The following CTPS2 variants were observed in gnomAD, a reference collection of about 807,000 sequenced individuals.
The protein encoded by CTPS2 is CTP synthase 2.
Under a neutral mutation model 46.8 loss-of-function variants are expected in CTPS2, and 19 were observed. The ratio of observed to expected loss-of-function variants is 0.41; its 90% confidence interval spans 0.28 to 0.60. The LOEUF is 0.60. Among genes scored for constraint, CTPS2 ranks in the 20% least tolerant of loss-of-function variants. The pLI is 0.35. For synonymous variants in CTPS2, 151 were observed against 165.2 expected (o/e 0.91, Z 0.66); for missense variants, 286 against 447.6 (o/e 0.64, Z 3.26).
At chrX:16,651,958 G>C (rs1299504316) in intron 13 of CTPS2, among the ~76,000 whole-genome samples, 1 of 109,760 alleles carries the variant, frequency 9.1e-6, no homozygotes, top group Non-Finnish European at 1.9e-5. Flanking sequence ...TTGCCATGGG[G>C]AGAGAGATTG....
chrX:16,695,084 A>G (rs747257220), intron 4 of CTPS2, among the ~76,000 whole-genome samples: 1 of 111,815 alleles, frequency 8.9e-6, no homozygotes, highest in Non-Finnish European at 1.9e-5. Flanking sequence ...AAGTGAGTGT[A>G]AGTACCCACT....
chrX:16,662,174 C>T (rs1189900090), intron 13 of CTPS2, among the ~76,000 whole-genome samples: 1 of 110,674 alleles, frequency 9.0e-6, no homozygotes, highest in Non-Finnish European at 1.9e-5. Flanking sequence ...CAGCTACGCT[C>T]TTGGTTATGT....
chrX:16,680,873 G>A (rs887129301), intron 9 of CTPS2, among the ~76,000 whole-genome samples: 6 of 109,696 alleles, frequency 5.5e-5, no homozygotes, highest in African/African-American at 1.3e-4. Context: ...GCAACATAGC[G>A]AGACCCCGTC....
chrX:16,632,416 T>TTTTC (rs1214405032), intron 14 of CTPS2, among the ~76,000 whole-genome samples: 1 of 109,977 alleles, frequency 9.1e-6, no homozygotes, highest in Non-Finnish European at 1.9e-5. Context: ...GTTACCTTTT[T>TTTTC]TTTCTTTCTT....
intron 9 of CTPS2, among the ~76,000 whole-genome samples, chrX:16,680,921 C>T (rs1483975064): frequency 1.8e-5 from 2 of 111,261 alleles, no homozygotes; most frequent in Non-Finnish European, 3.8e-5. Flanking sequence ...CACGATGGCT[C>T]ACGCTTGTAA....
intron 1 of CTPS2, chrX:16,711,863 TA>T (rs1456389886): frequency 9.0e-6 from 1 of 110,786 alleles, no homozygotes; most frequent in Non-Finnish European, 1.9e-5. Context: ...GGTCGTTGTT[TA>T]AGGGGTGCAC....
At chrX:16,647,252 A>ATTTTTT (rs1932363451) in intron 13 of CTPS2, among the ~76,000 whole-genome samples, 4 of 53,780 alleles carry the variant, frequency 7.4e-5, no homozygotes, top group African/African-American at 2.4e-4. Context: ...CATTGGGCCC[A>ATTTTTT]TTCTTTTTTT....
At chrX:16,679,828 G>A (rs1922589035) in intron 9 of CTPS2, among the ~76,000 whole-genome samples, 1 of 111,512 alleles carries the variant, frequency 9.0e-6, no homozygotes, top group African/African-American at 3.3e-5. Context: ...GCCACATGCT[G>A]GCACCCTAAT....
At chrX:16,619,745 CTA>C (rs1452586617) in intron 15 of CTPS2, among the ~76,000 whole-genome samples, 1 of 111,879 alleles carries the variant, frequency 8.9e-6, no homozygotes, top group African/African-American at 3.3e-5. Context: ...TTCGAGAAAT[CTA>C]TGTTTCTCAT....
At chrX:16,704,568 T>C (rs1924844171) in intron 1 of CTPS2, among the ~76,000 whole-genome samples, 1 of 111,969 alleles carries the variant, frequency 8.9e-6, no homozygotes, top group African/African-American at 3.2e-5. Flanking sequence ...TTCTGTATAA[T>C]ACTGTAATGA....
intron 3 of CTPS2, 133 bp downstream of exon 3, chrX:16,698,790 A>G: frequency 1.9e-6 from 1 of 521,399 alleles, no homozygotes; most frequent in African/African-American, 2.4e-5. Flanking sequence ...ACCTCAGGTG[A>G]TCCACTGGCC....
intron 5 of CTPS2, 40 bp from the exon 6 acceptor site, chrX:16,693,264 G>A: frequency 3.6e-6 from 4 of 1,098,482 alleles, no homozygotes; most frequent in Non-Finnish European, 5.0e-6. Context: ...CTGGACACTA[G>A]CTCCTATGGA....
chrX:16,627,954 C>T (rs1422593485), intron 14 of CTPS2, among the ~76,000 whole-genome samples: 1 of 111,631 alleles, frequency 9.0e-6, no homozygotes, highest in Non-Finnish European at 1.9e-5. Context: ...AAAGAGTCAG[C>T]TCAATGACTT....
At chrX:16,612,039 T>G (rs1930287159) in intron 16 of CTPS2, among the ~76,000 whole-genome samples, 1 of 112,006 alleles carries the variant, frequency 8.9e-6, no homozygotes. Context: ...AATGTAATCA[T>G]GTAATAGCCA....
At chrX:16,645,542 C>T (rs1301473351) in intron 13 of CTPS2, among the ~76,000 whole-genome samples, 1 of 111,962 alleles carries the variant, frequency 8.9e-6, no homozygotes, top group Non-Finnish European at 1.9e-5. Context: ...TTCTGGCTTC[C>T]AACCTGCGCT....
In CTPS2 at chrX:16,590,299, G is replaced by C. The variant is rs774751940; in HGVS notation, c.*41+453C>G. On this transcript the variant is annotated intron_variant, in intron 18 of 18. Transcript: ENST00000359276. ...TATGAGTGGCCTAGACCAGGGATCAGCAAACTGTTTTTGTAAATAAAATTT... is the reference window on the plus strand; with the variant it reads ...TATGAGTGGCCTAGACCAGGGATCACCAAACTGTTTTTGTAAATAAAATTT... 2.5e-4 allele frequency among the ~76,000 whole-genome samples: 28 copies of C among 112,008 alleles called. 1 individual carries two copies. Among genetic ancestry groups the C allele is most frequent in the Admixed American group, 3.8e-4 (4 of 10,559 alleles).
chrX:16,651,908 G>A (rs1468670394), intron 13 of CTPS2, among the ~76,000 whole-genome samples: 1 of 110,852 alleles, frequency 9.0e-6, no homozygotes, highest in Non-Finnish European at 1.9e-5. Flanking sequence ...TACTCCAGGA[G>A]GGCCATGGCG....
At chrX:16,601,482 A>G (rs1348696148) in intron 17 of CTPS2, among the ~76,000 whole-genome samples, 1 of 109,217 alleles carries the variant, frequency 9.2e-6, no homozygotes, top group Non-Finnish European at 1.9e-5. Context: ...TCAAGACACA[A>G]CAGGCAAAAC....
chrX:16,636,455 T>C (rs1000529568), intron 14 of CTPS2, among the ~76,000 whole-genome samples: 7 of 112,377 alleles, frequency 6.2e-5, no homozygotes, highest in Non-Finnish European at 9.4e-5. Flanking sequence ...TGGTTCCATT[T>C]ACATGAAATG....
Sources: gnomAD v4.1 joint callset for allele counts (sites outside exome capture counted in the v4.1 genomes callset) on GRCh38, gnomAD v4.1.1 for gene constraint, MANE v1.5 for transcripts, NCBI Gene and HGNC (gene_info 2026-07-23, HGNC 2026-07-21) for gene names.